Variants in GOLGA7B observed in about 807,000 individuals in gnomAD.
GOLGA7B encodes the protein golgin A7 family member B.
Under a neutral mutation model 21.5 loss-of-function variants are expected in GOLGA7B, and 17 were observed. That is an observed-to-expected ratio of 0.79 (90% CI 0.54 to 1.19). GOLGA7B has a LOEUF of 1.19. Among genes scored for constraint, GOLGA7B ranks in the 50% most tolerant of loss-of-function variants. The pLI is 0.00. For synonymous variants in GOLGA7B, 87 were observed against 84.0 expected (o/e 1.04, Z -0.19); for missense variants, 169 against 224.4 (o/e 0.75, Z 1.58).
chr10:97,850,860 GTT>G (rs564025755), intron 1 of GOLGA7B, among the ~76,000 whole-genome samples: 2,275 of 137,852 alleles, frequency 0.017, 51 homozygotes, highest in African/African-American at 0.057. Flanking sequence ...CCCCATTCGA[GTT>G]TTTTTTTTTT....
intron 4 of GOLGA7B, among the ~76,000 whole-genome samples, chr10:97,864,724 A>C (rs75211215): frequency 6.6e-6 from 1 of 152,098 alleles, no homozygotes; most frequent in Non-Finnish European, 1.5e-5. Flanking sequence ...TGCAATCCTC[A>C]TGGAATCTCC....
At position 97,864,152 on chromosome 10, in the gene GOLGA7B, GCTC is replaced by G. The variant is rs1290194526; in HGVS notation, c.292-12_292-10del. The G allele has an allele frequency of 1.9e-6, 3 of 1,614,100 alleles. No individual in the cohort carries two copies. The highest frequency in any genetic ancestry group is 2.5e-6 in the Non-Finnish European group (3 of 1,179,966). On this transcript the variant is annotated splice_polypyrimidine_tract_variant and intron_variant, in intron 3 of 4. Transcript: ENST00000370602. ...CCTGTGGCATGCTCATCCTTGTCTG[GCTC>G]CTCTTTTTGCAGGTTCTCAAGAAGA... is the stretch of plus-strand genomic sequence containing the variant.
intron 1 of GOLGA7B, among the ~76,000 whole-genome samples, chr10:97,857,627 A>C (rs1326181796): frequency 6.6e-6 from 1 of 152,238 alleles, no homozygotes; most frequent in African/African-American, 2.4e-5. Context: ...ACAATGCTAA[A>C]GTTTATATGG....
chr10:97,865,556 T>G, intron 4 of GOLGA7B, 34 bp from the exon 5 acceptor site: 1 of 1,608,048 alleles, frequency 6.2e-7, no homozygotes, highest in Non-Finnish European at 8.5e-7. Context: ...GCTCAGCAGC[T>G]GGGCTCGCAG....
At chr10:97,851,845 A>G (rs2136511768) in intron 1 of GOLGA7B, among the ~76,000 whole-genome samples, 1 of 152,336 alleles carries the variant, frequency 6.6e-6, no homozygotes, top group South Asian at 2.1e-4. Flanking sequence ...ATGTCAAGAC[A>G]GCGTTTCCAG....
At position 97,850,282 on chromosome 10, in the gene GOLGA7B, A is replaced by G. The variant is rs1238377130; in HGVS notation, c.-22A>G. 6.7e-6 allele frequency: 10 copies of G among 1,484,254 alleles called. No homozygotes were observed. The Admixed American group carries it at 1.8e-4, about 27-fold the overall frequency. The allele number at this position is 1,484,254 out of a possible 1,614,324, so 91.9% of individuals were successfully genotyped here. A position where few individuals can be genotyped will look rare whatever the true frequency, so the allele number is the denominator to read the frequency against. ...GACCCCCCTCGCCCGGCCCCGCGAC[A>G]GCCTCCGAGCGCCCCCGGATCATGG... On this transcript the variant is annotated 5_prime_UTR_variant, in exon 1 of 5. Transcript: ENST00000370602.
At chr10:97,859,900 A>C (rs1475198616) in intron 2 of GOLGA7B, among the ~76,000 whole-genome samples, 2 of 152,188 alleles carry the variant, frequency 1.3e-5, no homozygotes, top group Non-Finnish European at 2.9e-5. Context: ...TGGATGATAC[A>C]GGTGTTGTCC....
In GOLGA7B at chr10:97,865,924, T is replaced by G. The variant is rs1259853320; in HGVS notation, c.*224T>G. On this transcript the variant is annotated 3_prime_UTR_variant, in exon 5 of 5. Coordinates refer to ENST00000370602, the MANE Select transcript of GOLGA7B (RefSeq NM_001010917.3). ...TCAGTCCATTTCCTGACCTGGGGGCTTTTCCTTCCCGATGGGGCTGGTCTG... is the reference window on the plus strand; with the variant it reads ...TCAGTCCATTTCCTGACCTGGGGGCGTTTCCTTCCCGATGGGGCTGGTCTG... 4 of 676,770 alleles carry G rather than the reference T, an allele frequency of 5.9e-6. No individual in the cohort carries two copies. Among genetic ancestry groups the G allele is most frequent in the Non-Finnish European group, 9.1e-6 (4 of 438,456 alleles). The allele number at this position is 676,770 out of a possible 1,614,324, so 41.9% of individuals were successfully genotyped here. A position where few individuals can be genotyped will look rare whatever the true frequency, so the allele number is the denominator to read the frequency against.
intron 2 of GOLGA7B, among the ~76,000 whole-genome samples, chr10:97,861,900 C>A (rs2049973364): frequency 6.6e-6 from 1 of 152,186 alleles, no homozygotes; most frequent in African/African-American, 2.4e-5. Flanking sequence ...ATGAGTTCTC[C>A]CCAGGTCTGT....
chr10:97,860,049 C>T (rs2049960790), intron 2 of GOLGA7B, among the ~76,000 whole-genome samples: 1 of 152,230 alleles, frequency 6.6e-6, no homozygotes, highest in East Asian at 1.9e-4. Flanking sequence ...AAACCAACTA[C>T]ATTAGACTCT....
chr10:97,857,299 C>A (rs534254007), intron 1 of GOLGA7B, among the ~76,000 whole-genome samples: 1 of 150,008 alleles, frequency 6.7e-6, no homozygotes, highest in Non-Finnish European at 1.5e-5. Flanking sequence ...ACATGGTCAG[C>A]CAGTTTTCCC....
chr10:97,850,939 T>TGATA lies in GOLGA7B; in HGVS notation c.12+626_12+629dup, dbSNP rs1366331842. Reference sequence around the variant, plus strand: ...AGTTTCTGCCTTCTTCAAGGTGCACTGATAGGTGTGTCACCTTCAAGCACT... The same window carrying TGATA: ...AGTTTCTGCCTTCTTCAAGGTGCACTGATAGATAGGTGTGTCACCTTCAAGCACT... On this transcript the variant is annotated intron_variant, in intron 1 of 4. Coordinates refer to ENST00000370602, the MANE Select transcript of GOLGA7B (RefSeq NM_001010917.3). Among the ~76,000 whole-genome samples the TGATA allele has an allele frequency of 4.0e-5, 6 of 151,286 alleles. No homozygotes were observed. The South Asian group carries it at 1.1e-3, about 27-fold the overall frequency.
At chr10:97,851,796 C>T (rs1399633069) in intron 1 of GOLGA7B, among the ~76,000 whole-genome samples, 1 of 152,250 alleles carries the variant, frequency 6.6e-6, no homozygotes, top group Non-Finnish European at 1.5e-5. Context: ...AGGATGTCTG[C>T]CATGGCCCAC....
At chr10:97,864,763 C>G (rs529952559) in intron 4 of GOLGA7B, among the ~76,000 whole-genome samples, 78 of 152,180 alleles carry the variant, frequency 5.1e-4, no homozygotes, top group Non-Finnish European at 8.2e-4. Context: ...CCTCCTTTCA[C>G]AGATGAGAGA....
chr10:97,859,341 G>A (rs146085693), intron 1 of GOLGA7B, 117 bp from the exon 2 acceptor site: 1 of 1,033,118 alleles, frequency 9.7e-7, no homozygotes, highest in African/African-American at 1.6e-5. Context: ...GTCTCTGCAT[G>A]CTGGGAACTT....
chr10:97,863,802 G>A lies in GOLGA7B; in HGVS notation c.139-128G>A, dbSNP rs2136518782. ...TTTCGGCTCTGCCTGCAGCCTCTTTGGTCTTGCCTGTGTGCCAATGTCATC... is the reference window on the plus strand; with the variant it reads ...TTTCGGCTCTGCCTGCAGCCTCTTTAGTCTTGCCTGTGTGCCAATGTCATC... On this transcript the variant is annotated intron_variant, in intron 2 of 4. Coordinates refer to ENST00000370602, the MANE Select transcript of GOLGA7B (RefSeq NM_001010917.3). The A allele has an allele frequency of 8.9e-6, 9 of 1,016,492 alleles. No homozygotes were observed. In the South Asian group the frequency reaches 1.5e-4, roughly 16 times the overall value. 63.0% of individuals were successfully genotyped at this position (1,016,492 alleles called of 1,614,324 possible).
In GOLGA7B at chr10:97,850,300, G is replaced by T; in HGVS notation, c.-4G>T. The stretch of plus-strand genomic sequence containing the variant: ...CCGCGACAGCCTCCGAGCGCCCCCG[G>T]ATCATGGCCACCGAGGTAGGGGCGA... On this transcript the variant is annotated 5_prime_UTR_variant, in exon 1 of 5. Transcript: ENST00000370602. The T allele has an allele frequency of 6.6e-7, 1 of 1,517,488 alleles. No homozygotes were observed. The allele number at this position is 1,517,488 out of a possible 1,614,324, so 94.0% of individuals were successfully genotyped here. A position where few individuals can be genotyped will look rare whatever the true frequency, so the allele number is the denominator to read the frequency against.
At chr10:97,857,388 C>T (rs2049942725) in intron 1 of GOLGA7B, among the ~76,000 whole-genome samples, 1 of 151,680 alleles carries the variant, frequency 6.6e-6, no homozygotes, top group South Asian at 2.1e-4. Flanking sequence ...CACACACACA[C>T]ACACACACAC....
Position 97,865,696 on chromosome 10 carries a change from G to T in GOLGA7B, c.500G>T (p.Arg167Leu), listed in dbSNP as rs756768647. The T allele has an allele frequency of 6.2e-7, 1 of 1,604,382 alleles. No homozygotes were observed. The highest frequency in any genetic ancestry group is 8.5e-7 in the Non-Finnish European group (1 of 1,175,586). ...SSGGGGGAGA[R>L] ...GGTGGGGGTGGTGGGGCGGGGGCCC[G>T]GTGACTGGCCGAGAGTCCCTGTAGG... Residue 167 changes from arginine (R) to leucine (L), a missense_variant, in exon 5 of 5, where the codon CGG (arginine) becomes CTG (leucine). By Grantham distance (102) the Arg-to-Leu change is moderately radical (BLOSUM62 -2). Coordinates refer to ENST00000370602, the MANE Select transcript of GOLGA7B (RefSeq NM_001010917.3).
Sources: gnomAD v4.1 joint callset for allele counts (sites outside exome capture counted in the v4.1 genomes callset) on GRCh38, gnomAD v4.1.1 for gene constraint, MANE v1.5 for transcripts, NCBI Gene and HGNC (gene_info 2026-07-23, HGNC 2026-07-21) for gene names.